The following PNPT1 variants were observed in gnomAD, a reference collection of about 807,000 sequenced individuals.
PNPT1 encodes polyribonucleotide nucleotidyltransferase 1, also known as polyribonucleotide nucleotidyltransferase 1, mitochondrial.
Under a neutral mutation model 119.5 loss-of-function variants are expected in PNPT1, and 53 were observed. That is an observed-to-expected ratio of 0.44 (90% CI 0.36 to 0.56). The LOEUF is 0.56. Ranked by LOEUF, PNPT1 falls within the 20% of genes least tolerant of loss-of-function variation. PNPT1 has a pLI of 0.00. For missense variants in PNPT1, 948 were observed against 938.5 expected (o/e 1.01, Z -0.13); for synonymous variants, 357 against 322.1 (o/e 1.11, Z -1.16).
chr2:55,644,366 A>G (rs940832316), intron 23 of PNPT1, among the ~76,000 whole-genome samples: 1 of 152,226 alleles, frequency 6.6e-6, no homozygotes, highest in Non-Finnish European at 1.5e-5. Flanking sequence ...AAAACTAAAA[A>G]TTATTCTAGA....
intron 15 of PNPT1, among the ~76,000 whole-genome samples, chr2:55,658,501 G>A (rs1030561961): frequency 6.6e-6 from 1 of 152,064 alleles, no homozygotes; most frequent in Non-Finnish European, 1.5e-5. Flanking sequence ...GCCATCCTTT[G>A]TTTTATACAG....
intron 4 of PNPT1, 42 bp downstream of exon 4, chr2:55,684,901 G>C (rs370657754): frequency 2.1e-6 from 3 of 1,460,438 alleles, no homozygotes; most frequent in African/African-American, 1.4e-5. Context: ...TGCTAACATA[G>C]GCATACCAGA....
At chr2:55,677,376 T>C (rs533989116) in intron 8 of PNPT1, among the ~76,000 whole-genome samples, 4 of 152,156 alleles carry the variant, frequency 2.6e-5, no homozygotes, top group African/African-American at 9.6e-5. Flanking sequence ...GGCAGATCAC[T>C]TGAGGCCAGG....
At chr2:55,680,544 A>C (rs990187038) in intron 7 of PNPT1, among the ~76,000 whole-genome samples, 168 bp downstream of exon 7, 4 of 152,174 alleles carry the variant, frequency 2.6e-5, no homozygotes, top group Non-Finnish European at 4.4e-5. Flanking sequence ...AACCCAAGAC[A>C]AGGATGAAAA....
intron 1 of PNPT1, 131 bp from the exon 2 acceptor site, chr2:55,687,836 GC>G (rs1239223054): frequency 1.7e-6 from 1 of 586,920 alleles, no homozygotes; most frequent in African/African-American, 1.9e-5. Flanking sequence ...ACAAAAAGGG[GC>G]AGAATCCATG....
At chr2:55,678,400 C>A (rs768542884) in intron 8 of PNPT1, among the ~76,000 whole-genome samples, 6 of 152,170 alleles carry the variant, frequency 3.9e-5, no homozygotes, top group African/African-American at 1.4e-4. Flanking sequence ...CACTTGCAGT[C>A]GAGGCTATAG....
intron 7 of PNPT1, among the ~76,000 whole-genome samples, 182 bp from the exon 8 acceptor site, chr2:55,679,977 A>C (rs1482247842): frequency 6.6e-6 from 1 of 152,066 alleles, no homozygotes; most frequent in Non-Finnish European, 1.5e-5. Flanking sequence ...TCACTGGATC[A>C]CTCTGAATTG....
At position 55,674,571 on chromosome 2, in the gene PNPT1, C is replaced by T. The variant is rs956518950; in HGVS notation, c.680-1492G>A. Among the ~76,000 whole-genome samples, 9 of 151,888 alleles carry T rather than the reference C, an allele frequency of 5.9e-5. No individual in the cohort carries two copies. The East Asian group carries it at 7.7e-4, about 13-fold the overall frequency. On this transcript the variant is annotated intron_variant, in intron 8 of 27. Transcript: ENST00000447944. ...TCACGCCACTGCACTCTAGCCTGGGCGACAGAATGAGGCTCCATCTCAAAA... is the reference window on the plus strand; with the variant it reads ...TCACGCCACTGCACTCTAGCCTGGGTGACAGAATGAGGCTCCATCTCAAAA...
At position 55,640,956 on chromosome 2, in the gene PNPT1, T is replaced by G. The variant is rs981353503; in HGVS notation, c.2070-251A>C. ...GAAAAGCTTTTAGAGCCAGGTGCGG[T>G]GGCTCACACCTGTAATCCCAGCACT... On this transcript the variant is annotated intron_variant, in intron 25 of 27. Transcript: ENST00000447944. Among the ~76,000 whole-genome samples, 57 of 152,264 alleles carry G rather than the reference T, an allele frequency of 3.7e-4. 1 individual carries two copies. In the South Asian group the frequency reaches 4.4e-3, roughly 12 times the overall value.
chr2:55,675,980 G>A (rs1697054817), intron 8 of PNPT1, among the ~76,000 whole-genome samples: 1 of 152,054 alleles, frequency 6.6e-6, no homozygotes, highest in Non-Finnish European at 1.5e-5. Context: ...ATTGCTATAG[G>A]CCCAGCGTGG....
chr2:55,671,340 C>A lies in PNPT1; in HGVS notation c.955G>T (p.Asp319Tyr). The A allele has an allele frequency of 6.5e-7, 1 of 1,543,408 alleles. No individual in the cohort carries two copies. The highest frequency in any genetic ancestry group is 8.7e-7 in the Non-Finnish European group (1 of 1,144,342). The change falls in exon 11 of 28, where the codon GAT becomes TAT. Residue 319 changes from aspartate (D) to tyrosine (Y), a missense_variant. By Grantham distance (160) the Asp-to-Tyr change is radical. Transcript: ENST00000447944. ...TTACCTTTTAGTTGTTCCTCCGTAT[C>A]TAATCTTATTTTGTTAACAGCTTCA... ...RDEAVNKIRLDTEEQLKEKFP... is the reference protein window; with the variant it reads ...RDEAVNKIRLYTEEQLKEKFP...
intron 15 of PNPT1, among the ~76,000 whole-genome samples, chr2:55,657,853 C>T (rs1378082387): frequency 4.4e-5 from 1 of 22,822 alleles, no homozygotes; most frequent in Non-Finnish European, 1.1e-4. Context: ...AATAGATAGA[C>T]TGCAAAAAAA....
rs1696004214 is a variant in PNPT1, at chr2:55,646,338, C to G, written c.1675-16G>C. 2 of 1,607,368 alleles carry G rather than the reference C, an allele frequency of 1.2e-6. No individual in the cohort carries two copies. Among genetic ancestry groups the G allele is most frequent in the African/African-American group, 2.7e-5 (2 of 74,770 alleles). On this transcript the variant is annotated splice_polypyrimidine_tract_variant and intron_variant, in intron 20 of 27. Transcript: ENST00000447944. ...TAATATCAGCCTAATATGGAAAAGTCAAACAATTATATAAATATTGACTCA... is the reference window on the plus strand; with the variant it reads ...TAATATCAGCCTAATATGGAAAAGTGAAACAATTATATAAATATTGACTCA...
chr2:55,670,909 TA>T (rs1315098776), intron 11 of PNPT1, among the ~76,000 whole-genome samples: 2 of 152,146 alleles, frequency 1.3e-5, no homozygotes, highest in Non-Finnish European at 2.9e-5. Flanking sequence ...ATTACAAGTT[TA>T]TTGAAAATAA....
intron 17 of PNPT1, among the ~76,000 whole-genome samples, chr2:55,655,462 T>C (rs967888783): frequency 5.3e-5 from 8 of 152,242 alleles, no homozygotes; most frequent in Admixed American, 3.9e-4. Context: ...ACAGATATTC[T>C]AATAGACTTC....
chr2:55,645,770 A>G (rs1324011275), intron 21 of PNPT1, among the ~76,000 whole-genome samples: 2 of 151,584 alleles, frequency 1.3e-5, no homozygotes, highest in Non-Finnish European at 2.9e-5. Context: ...GGCTCAAGCA[A>G]TCTTCCTGCC....
At chr2:55,684,898 A>G in intron 4 of PNPT1, 45 bp downstream of exon 4, 1 of 1,447,770 alleles carries the variant, frequency 6.9e-7, no homozygotes, top group Non-Finnish European at 9.2e-7. Context: ...AGATGCTAAC[A>G]TAGGCATACC....
intron 12 of PNPT1, among the ~76,000 whole-genome samples, chr2:55,667,488 G>A (rs1030162729): frequency 1.3e-5 from 2 of 151,988 alleles, no homozygotes; most frequent in African/African-American, 4.8e-5. Context: ...CAGCTACTCG[G>A]GAGGCTGAGG....
intron 2 of PNPT1, 135 bp downstream of exon 2, chr2:55,687,510 G>T: frequency 1.5e-6 from 1 of 648,742 alleles, no homozygotes; most frequent in Non-Finnish European, 2.6e-6. Flanking sequence ...TCTTGCAGTA[G>T]AAATTATCTT....
Sources: allele counts gnomAD v4.1 joint callset (sites outside exome capture counted in the v4.1 genomes callset), GRCh38; gene constraint gnomAD v4.1.1; transcripts MANE v1.5; gene names NCBI Gene and HGNC (gene_info 2026-07-23, HGNC 2026-07-21).